Variants in CUBN observed in about 807,000 individuals in gnomAD.
CUBN encodes cubilin.
In CUBN, 282 loss-of-function variants were observed where a neutral mutation model predicts 405.3. The observed-to-expected ratio is 0.70, with a 90% CI of 0.63 to 0.77. CUBN has a LOEUF of 0.77. CUBN is among the 30% of genes least tolerant of loss of function. The pLI is 0.00. For synonymous variants in CUBN, 1,684 were observed against 1,617.0 expected (o/e 1.04, Z -0.99); for missense variants, 4,514 against 4,475.2 (o/e 1.01, Z -0.25).
chr10:17,045,304 A>T, intron 24 of CUBN, 116 bp from the exon 25 acceptor site: 1 of 982,956 alleles, frequency 1.0e-6, no homozygotes, highest in Non-Finnish European at 1.6e-6. Context: ...TTGCACAGCA[A>T]AATGGCATCA....
At chr10:17,030,917 T>G (rs917490471) in intron 27 of CUBN, among the ~76,000 whole-genome samples, 13 of 151,914 alleles carry the variant, frequency 8.6e-5, no homozygotes, top group African/African-American at 3.1e-4. Context: ...AGACTCTGTC[T>G]CAAAAATAAA....
intron 22 of CUBN, among the ~76,000 whole-genome samples, chr10:17,050,506 A>T (rs1835240108): frequency 6.6e-6 from 1 of 152,218 alleles, no homozygotes; most frequent in African/African-American, 2.4e-5. Context: ...GTATATAGAG[A>T]GGAAAGCCGG....
chr10:17,096,834 T>G (rs1326127739), intron 14 of CUBN, among the ~76,000 whole-genome samples: 1 of 152,072 alleles, frequency 6.6e-6, no homozygotes, highest in African/African-American at 2.4e-5. Flanking sequence ...CAGTATAATT[T>G]TAATAAAACC....
At chr10:16,885,028 C>T (rs809698) in intron 56 of CUBN, among the ~76,000 whole-genome samples, 104,538 of 152,046 alleles carry the variant, frequency 0.69, 37,592 homozygotes, top group East Asian at 0.84. Flanking sequence ...TCAGAGCAAT[C>T]CTCGGTTTCA....
chr10:16,851,262 C>T lies in CUBN; in HGVS notation c.9636G>A (p.Arg3212=), dbSNP rs1839674577. 1 of 1,613,844 alleles carries T rather than the reference C, an allele frequency of 6.2e-7. No individual in the cohort carries two copies. Residue 3212 remains arginine (R), a synonymous_variant, in exon 60 of 67, where the codon AGG becomes AGA. Transcript: ENST00000377833. ...NTFALEAAST[R]QRCLYDYVKL... ...TTACATAATCATAAAGGCATCTTTG[C>T]CTAGTACTTGCTGCCTCCAGAGCAA...
Position 16,874,444 on chromosome 10 carries a change from C to T in CUBN, c.9166G>A (p.Ala3056Thr), listed in dbSNP as rs569915247. The part of the protein sequence containing the change: ...GIITSPAYSY[A>T]DYPNDMHCLY... The stretch of plus-strand genomic sequence containing the variant: ...CAGTGCATATCATTTGGGTAGTCTG[C>T]GTATGAATAGGCAGGACTTGTGATG... Residue 3056 changes from alanine (A) to threonine (T), a missense_variant, in exon 58 of 67, where the codon GCA becomes ACA. Coordinates refer to ENST00000377833, the MANE Select transcript of CUBN (RefSeq NM_001081.4). 3.2e-5 allele frequency: 52 copies of T among 1,613,966 alleles called. No homozygotes were observed. Among genetic ancestry groups the T allele is most frequent in the African/African-American group, 6.7e-5 (5 of 75,028 alleles).
At chr10:17,120,043 C>T (rs909947917) in intron 6 of CUBN, among the ~76,000 whole-genome samples, 7 of 152,196 alleles carry the variant, frequency 4.6e-5, no homozygotes, top group African/African-American at 1.7e-4. Context: ...AACTCCAAAG[C>T]GAACTTTGAT....
intron 54 of CUBN, among the ~76,000 whole-genome samples, chr10:16,891,752 A>C (rs1233969768): frequency 6.6e-6 from 1 of 152,072 alleles, no homozygotes. Flanking sequence ...TTAACCAGAG[A>C]AGCTCGTCCT....
At chr10:16,861,169 T>C (rs557914550) in intron 59 of CUBN, among the ~76,000 whole-genome samples, 1 of 152,142 alleles carries the variant, frequency 6.6e-6, no homozygotes, top group Admixed American at 6.5e-5. Context: ...GAATGCCTTT[T>C]TTTTTTTTTT....
intron 60 of CUBN, among the ~76,000 whole-genome samples, chr10:16,847,753 T>C (rs1299711987): frequency 6.6e-6 from 1 of 152,222 alleles, no homozygotes; most frequent in African/African-American, 2.4e-5. Flanking sequence ...TTACCGTAAT[T>C]ACTCTCCAAG....
chr10:16,925,541 G>A (rs570221291), intron 42 of CUBN, 43 bp downstream of exon 42: 7 of 1,611,952 alleles, frequency 4.3e-6, no homozygotes, highest in East Asian at 2.2e-5. Flanking sequence ...TCTGAATGAA[G>A]TCTATGGAAA....
chr10:16,846,749 T>A (rs1277526813), intron 60 of CUBN, among the ~76,000 whole-genome samples: 2 of 149,976 alleles, frequency 1.3e-5, no homozygotes, highest in African/African-American at 4.9e-5. Flanking sequence ...GAGGCAGAGG[T>A]TGCAGTAAGC....
In CUBN at chr10:16,904,031, C is replaced by A; in HGVS notation, c.7997G>T (p.Trp2666Leu). ...ACGTTCGTTGGTGACAAAGTGAATC[C>A]ATACCTGAGAATAAGGTATAACCAA... is the stretch of plus-strand genomic sequence containing the variant. ...LPLVIPYSQV[W>L]IHFVTNERVE... is the part of the protein sequence containing the mutation. The change falls in exon 51 of 67, where the codon TGG becomes TTG. Residue 2666 changes from tryptophan (W) to leucine (L), a missense_variant. Around this residue, in one of 5 missense-constraint regions of CUBN, gnomAD observed 1,186 missense variants for 1,186.9 expected, o/e 1.00. Coordinates refer to ENST00000377833, the MANE Select transcript of CUBN (RefSeq NM_001081.4). The A allele has an allele frequency of 6.2e-7, 1 of 1,612,604 alleles. No individual in the cohort carries two copies.
intron 45 of CUBN, among the ~76,000 whole-genome samples, chr10:16,916,428 A>G (rs1841886755): frequency 6.6e-6 from 1 of 152,178 alleles, no homozygotes; most frequent in South Asian, 2.1e-4. Flanking sequence ...ACTGAACCCA[A>G]GCTCAGCTGG....
intron 23 of CUBN, 68 bp downstream of exon 23, chr10:17,047,346 T>A: frequency 7.5e-7 from 1 of 1,325,280 alleles, no homozygotes; most frequent in Non-Finnish European, 1.1e-6. Flanking sequence ...TCCTTAATCT[T>A]CCTAGGAAAG....
At chr10:16,986,525 G>A (rs1394403438) in intron 29 of CUBN, among the ~76,000 whole-genome samples, 1 of 152,126 alleles carries the variant, frequency 6.6e-6, no homozygotes, top group Non-Finnish European at 1.5e-5. Flanking sequence ...ACAGAGGGCT[G>A]AGCACAAGGA....
chr10:16,827,982 T>A (rs1255636236), intron 66 of CUBN, among the ~76,000 whole-genome samples: 1 of 152,218 alleles, frequency 6.6e-6, no homozygotes, highest in African/African-American at 2.4e-5. Context: ...CTGATTTTTT[T>A]AGGGAAGATA....
chr10:16,861,500 A>G (rs1840011810), intron 59 of CUBN, among the ~76,000 whole-genome samples: 1 of 152,194 alleles, frequency 6.6e-6, no homozygotes, highest in South Asian at 2.1e-4. Flanking sequence ...AATACTATTT[A>G]TAGCTAAAAA....
At chr10:16,926,551 C>T (rs546097744) in intron 41 of CUBN, among the ~76,000 whole-genome samples, 7 of 152,016 alleles carry the variant, frequency 4.6e-5, no homozygotes, top group Admixed American at 2.6e-4. Context: ...GATAGGTGCA[C>T]GGGCTAGGCT....
Sources: allele counts gnomAD v4.1 joint callset (sites outside exome capture counted in the v4.1 genomes callset), GRCh38; gene constraint gnomAD v4.1.1; regional missense constraint gnomAD v4.1.1; transcripts MANE v1.5; gene names NCBI Gene and HGNC (gene_info 2026-07-23, HGNC 2026-07-21).